OPCML: variants seen among roughly 807,000 people sequenced by gnomAD.
OPCML encodes opioid-binding protein/cell adhesion molecule.
Under a neutral mutation model 37.8 loss-of-function variants are expected in OPCML, and 13 were observed. That is an observed-to-expected ratio of 0.34 (90% CI 0.22 to 0.55). The LOEUF (loss-of-function observed/expected upper bound fraction) is 0.55, where lower values mean the gene tolerates loss of function less well. OPCML is among the 20% of genes least tolerant of loss of function. The pLI, the probability that OPCML is intolerant of heterozygous loss-of-function variation, is 0.91. For synonymous variants in OPCML, 176 were observed against 168.8 expected (o/e 1.04, Z -0.33); for missense variants, 341 against 435.6 (o/e 0.78, Z 1.93).
rs747923475 is a variant in OPCML at position 132,420,308 on chromosome 11, G to C, written c.917-15C>G. On this transcript the variant is annotated splice_polypyrimidine_tract_variant and intron_variant, in intron 7 of 7. Transcript: ENST00000524381. Reference sequence around the variant, plus strand: ...TGCTCCAGGCCCTGTGTAGGGGAGAGAGAGACAGACCCATTAGCATACACC... The same window carrying C: ...TGCTCCAGGCCCTGTGTAGGGGAGACAGAGACAGACCCATTAGCATACACC... 1.2e-6 allele frequency: 2 copies of C among 1,613,160 alleles called. No individual in the cohort carries two copies. The highest frequency in any genetic ancestry group is 2.7e-5 in the African/African-American group (2 of 74,874).
intron 3 of OPCML, among the ~76,000 whole-genome samples, chr11:132,532,045 C>G (rs1056664910): frequency 5.3e-5 from 8 of 152,144 alleles, no homozygotes; most frequent in Non-Finnish European, 1.0e-4. Context: ...CAGCCACCAA[C>G]TCAGAACTGT....
intron 1 of OPCML, among the ~76,000 whole-genome samples, chr11:133,367,092 C>T (rs1944557430): frequency 6.6e-6 from 1 of 152,108 alleles, no homozygotes; most frequent in Non-Finnish European, 1.5e-5. Context: ...GATTCTCCTG[C>T]CTAAGCTTCC....
At chr11:132,520,935 T>C (rs543958775) in intron 4 of OPCML, among the ~76,000 whole-genome samples, 3 of 152,100 alleles carry the variant, frequency 2.0e-5, no homozygotes, top group Non-Finnish European at 4.4e-5. Context: ...CAAATGGTAT[T>C]CCTGGTTCCA....
rs143067185 is a variant in OPCML, at chr11:133,449,755, A to G, written c.61+82509T>C. 3.0e-3 allele frequency among the ~76,000 whole-genome samples: 462 copies of G among 151,864 alleles called. 19 individuals carry two copies. The highest frequency in any genetic ancestry group is 0.01 in the African/African-American group (415 of 41,102). Reference sequence around the variant, plus strand: ...TGTAAATCCTAGATGATTTTATATCAAGATCCTTAATTAATTACATGTGCA... The same window carrying G: ...TGTAAATCCTAGATGATTTTATATCGAGATCCTTAATTAATTACATGTGCA... On this transcript the variant is annotated intron_variant, in intron 1 of 7. Transcript: ENST00000524381.
chr11:132,966,762 G>T (rs777747421), intron 1 of OPCML, among the ~76,000 whole-genome samples: 1 of 151,906 alleles, frequency 6.6e-6, no homozygotes, highest in Non-Finnish European at 1.5e-5. Context: ...TATAATTTTT[G>T]TATATTCCTG....
At chr11:133,471,874 G>A (rs2137007581) in intron 1 of OPCML, among the ~76,000 whole-genome samples, 1 of 152,302 alleles carries the variant, frequency 6.6e-6, no homozygotes, top group Non-Finnish European at 1.5e-5. Context: ...TGTGGAAATG[G>A]TCCCTGGTCC....
At chr11:133,253,829 CA>C (rs1941226659) in intron 1 of OPCML, among the ~76,000 whole-genome samples, 1 of 71,488 alleles carries the variant, frequency 1.4e-5, no homozygotes, top group African/African-American at 5.3e-5. Flanking sequence ...CCTTCCCTTC[CA>C]TTCCCTTCCC....
chr11:132,539,967 G>GATA (rs1158456775), intron 3 of OPCML, among the ~76,000 whole-genome samples: 13 of 152,180 alleles, frequency 8.5e-5, no homozygotes, highest in African/African-American at 3.1e-4. Flanking sequence ...TGATGATGAT[G>GATA]ATAATGATGA....
chr11:132,586,227 T>A (rs1301718700), intron 3 of OPCML, among the ~76,000 whole-genome samples: 2 of 152,202 alleles, frequency 1.3e-5, no homozygotes, highest in Non-Finnish European at 2.9e-5. Context: ...CCATCCCTAA[T>A]CAAACTAGCA....
intron 1 of OPCML, among the ~76,000 whole-genome samples, chr11:132,954,090 T>A (rs1945922352): frequency 6.6e-6 from 1 of 152,152 alleles, no homozygotes. Flanking sequence ...TTTTGTTAAC[T>A]AATTCACTAC....
chr11:132,637,838 G>C lies in OPCML; in HGVS notation c.379+19249C>G, dbSNP rs528537727. 2.6e-5 allele frequency among the ~76,000 whole-genome samples: 4 copies of C among 152,148 alleles called. No homozygotes were observed. In the East Asian group the frequency reaches 7.8e-4, roughly 30 times the overall value. ...CTGATTGATCACGTGCCTGTGTTCA[G>C]AGCCAGGCTCTTCTGGGACCCAGAG... is the stretch of plus-strand genomic sequence containing the variant. On this transcript the variant is annotated intron_variant, in intron 3 of 7. Coordinates refer to ENST00000524381, the MANE Select transcript of OPCML (RefSeq NM_001012393.5).
At position 132,857,753 on chromosome 11, in the gene OPCML, T is replaced by G. The variant is rs181298891; in HGVS notation, c.146+85173A>C. Among the ~76,000 whole-genome samples, 66 of 152,334 alleles carry G rather than the reference T, an allele frequency of 4.3e-4. No homozygotes were observed. The South Asian group carries it at 7.1e-3, about 16-fold the overall frequency. On this transcript the variant is annotated intron_variant, in intron 2 of 7. Coordinates refer to ENST00000524381, the MANE Select transcript of OPCML (RefSeq NM_001012393.5). ...TACTTATGCTAACATGTAATGAAAT[T>G]TGTGTTGCTATTTTTCAAAGAATTA... is the stretch of plus-strand genomic sequence containing the variant.
chr11:132,820,106 A>T (rs866605522), intron 2 of OPCML, among the ~76,000 whole-genome samples: 17 of 147,232 alleles, frequency 1.2e-4, no homozygotes, highest in African/African-American at 3.0e-4. Context: ...AATGAATGAA[A>T]GAAACCAGAA....
intron 1 of OPCML, among the ~76,000 whole-genome samples, chr11:133,027,762 T>G: frequency 7.3e-6 from 1 of 136,506 alleles, no homozygotes; most frequent in East Asian, 2.6e-4. Flanking sequence ...GTTTGACGTG[T>G]GGTGTGTATG....
At chr11:132,554,823 GA>G (rs1033185953) in intron 3 of OPCML, among the ~76,000 whole-genome samples, 1 of 130,082 alleles carries the variant, frequency 7.7e-6, no homozygotes, top group Admixed American at 8.5e-5. Context: ...AGCATCCACT[GA>G]AAATAAAAAG....
At chr11:132,903,514 G>A (rs574332074) in intron 2 of OPCML, among the ~76,000 whole-genome samples, 1 of 152,260 alleles carries the variant, frequency 6.6e-6, no homozygotes, top group African/African-American at 2.4e-5. Flanking sequence ...TAATAGTTCA[G>A]GCTATGATGG....
intron 1 of OPCML, among the ~76,000 whole-genome samples, chr11:133,455,128 C>T (rs970279734): frequency 2.0e-5 from 3 of 152,078 alleles, no homozygotes; most frequent in Non-Finnish European, 2.9e-5. Context: ...TTCACCAACC[C>T]GAAAATCACT....
chr11:133,393,029 G>A (rs1945205462), intron 1 of OPCML, among the ~76,000 whole-genome samples: 1 of 128,930 alleles, frequency 7.8e-6, no homozygotes, highest in South Asian at 2.6e-4. Context: ...CCTTCTCACT[G>A]TCTGTTTAGT....
At position 132,415,209 on chromosome 11, in the gene OPCML, C is replaced by T. The variant is rs1370812002; in HGVS notation, c.*4984G>A. ...ACTCTAGAAGGCTGACAAAGTCATA[C>T]TCTTGTATCGTGTGATAAATTTTTA... On this transcript the variant is annotated 3_prime_UTR_variant, in exon 8 of 8. Transcript: ENST00000524381. 3.9e-5 allele frequency: 6 copies of T among 152,586 alleles called. No individual in the cohort carries two copies. Among genetic ancestry groups the T allele is most frequent in the Non-Finnish European group, 8.8e-5 (6 of 68,044 alleles). The allele number at this position is 152,586 out of a possible 1,614,324, so 9.5% of individuals were successfully genotyped here.
Sources: gnomAD v4.1 joint callset for allele counts (sites outside exome capture counted in the v4.1 genomes callset) on GRCh38, gnomAD v4.1.1 for gene constraint, MANE v1.5 for transcripts, NCBI Gene and HGNC (gene_info 2026-07-23, HGNC 2026-07-21) for gene names.